The following ZNF470 variants were observed in gnomAD, a reference collection of about 807,000 sequenced individuals.
ZNF470 encodes chondrogenesis zinc finger protein 1.
A neutral mutation model predicts 13.9 loss-of-function variants in ZNF470; 13 were observed. The observed-to-expected ratio is 0.94, with a 90% CI of 0.61 to 1.49. The LOEUF (loss-of-function observed/expected upper bound fraction) is 1.49. ZNF470 is among the 40% of genes most tolerant of loss of function. The pLI is 0.00. For missense variants in ZNF470, 929 were observed against 857.3 expected, an observed-to-expected ratio of 1.08 and a Z score of -1.04; for synonymous variants, 293 against 282.9, an observed-to-expected ratio of 1.04 and a Z score of -0.36.
chr19:56,569,060 C>A (rs565513385), intron 2 of ZNF470, among the ~76,000 whole-genome samples, 177 bp downstream of exon 2: 2 of 152,292 alleles, frequency 1.3e-5, no homozygotes, highest in African/African-American at 4.8e-5. Flanking sequence ...CCTCACAGTA[C>A]TGTCATAAGG....
At chr19:56,572,541 CAAAA>C (rs764794483) in intron 3 of ZNF470, among the ~76,000 whole-genome samples, 9 of 87,262 alleles carry the variant, frequency 1.0e-4, no homozygotes, top group East Asian at 3.1e-4. Flanking sequence ...GACCCTGTCT[CAAAA>C]AAAAAAAAAA....
In ZNF470 at chr19:56,568,738, T is replaced by G. The variant is rs1600562302; in HGVS notation, c.-158-20T>G. The G allele has an allele frequency of 6.6e-6, 1 of 152,324 alleles. No individual in the cohort carries two copies. The highest frequency in any genetic ancestry group is 1.5e-5 in the Non-Finnish European group (1 of 68,048). The allele number at this position is 152,324 out of a possible 1,614,324, so 9.4% of individuals were successfully genotyped here. On this transcript the variant is annotated intron_variant, in intron 1 of 5. Transcript: ENST00000330619. ...CTTCACAACATTATGAAGTAGGAAC[T>G]ACTTACCTCTTTTTTACAGATGAAG...
chr19:56,570,322 A>G lies in ZNF470; in HGVS notation c.11A>G (p.Gln4Arg), dbSNP rs1414047965. 1.2e-6 allele frequency: 2 copies of G among 1,614,096 alleles called. No homozygotes were observed. The highest frequency in any genetic ancestry group is 1.3e-5 in the African/African-American group (1 of 74,938). The change falls in exon 3 of 6, where the codon CAG becomes CGG. Residue 4 changes from glutamine (Q) to arginine (R), a missense_variant. Gln to Arg is a conservative substitution (Grantham distance 43). Transcript: ENST00000330619. MKS[Q>R]EEVEVAGIKL... ...AAAGCTCTTCTCCAAATGAAGAGCC[A>G]GGAAGAGGTAGAGGTGGCAGGAATT...
rs2044514351 is a variant in ZNF470 at position 56,578,907 on chromosome 19, A to G, written c.*324A>G. 2 of 1,045,584 alleles carry G rather than the reference A, an allele frequency of 1.9e-6. No individual in the cohort carries two copies. The highest frequency in any genetic ancestry group is 7.4e-5 in the East Asian group (1 of 13,538). 64.8% of individuals were successfully genotyped at this position (1,045,584 alleles called of 1,614,324 possible). A position where few individuals can be genotyped will look rare whatever the true frequency, so the allele number is the denominator to read the frequency against. On this transcript the variant is annotated 3_prime_UTR_variant, in exon 6 of 6. Coordinates refer to ENST00000330619, the MANE Select transcript of ZNF470 (RefSeq NM_001001668.4). ...TAAGGTAAAGGTTTCCTTACAAACT[A>G]TCATATTAAGCAGCAAGTAAACCAA... is the stretch of plus-strand genomic sequence containing the variant.
rs554237189 is a variant in ZNF470, at chr19:56,578,083, C to T, written c.1654C>T (p.Leu552Phe). 4.3e-5 allele frequency: 70 copies of T among 1,613,960 alleles called. No homozygotes were observed. The East Asian group carries it at 1.4e-3, about 33-fold the overall frequency. Residue 552 changes from leucine (L) to phenylalanine (F), a missense_variant, in exon 6 of 6, where the codon CTT becomes TTT. By Grantham distance (22) the Leu-to-Phe change is conservative. Transcript: ENST00000330619. Reference sequence around the variant, plus strand: ...TAAGGCCTTCAGTCAGATTGCACACCTTGTTCAGCACCAGAGAGTTCATAC... The same window carrying T: ...TAAGGCCTTCAGTCAGATTGCACACTTTGTTCAGCACCAGAGAGTTCATAC... ...CGKAFSQIAH[L>F]VQHQRVHTGE...
rs1167530162 is a variant in ZNF470, at chr19:56,567,848, C to T, written c.-349C>T. 2.0e-6 allele frequency: 2 copies of T among 986,028 alleles called. No individual in the cohort carries two copies. The highest frequency in any genetic ancestry group is 1.7e-5 in the African/African-American group (1 of 57,242). 61.1% of individuals were successfully genotyped at this position (986,028 alleles called of 1,614,324 possible). On this transcript the variant is annotated 5_prime_UTR_variant, in exon 1 of 6. Transcript: ENST00000330619. ...GAAACCCGGCCGGAGGAGGCTTACC[C>T]CGTTCTCCCCTGTATCGACTGCGTA...
chr19:56,582,002 CAGTT>C lies in ZNF470; in HGVS notation c.*3420_*3423del. The C allele has an allele frequency of 1.0e-6, 1 of 985,334 alleles. No homozygotes were observed. The highest frequency in any genetic ancestry group is 1.2e-6 in the Non-Finnish European group (1 of 829,912). 61.0% of individuals were successfully genotyped at this position (985,334 alleles called of 1,614,324 possible). A position where few individuals can be genotyped will look rare whatever the true frequency, so the allele number is the denominator to read the frequency against. On this transcript the variant is annotated 3_prime_UTR_variant, in exon 6 of 6. Transcript: ENST00000330619. ...TACTTGATTTTTGCCTCCTGTTGGT[CAGTT>C]GCTTGCAAGTAAAGAAACAATCATA...
rs1001890933 is a variant in ZNF470 at position 56,581,964 on chromosome 19, A to G, written c.*3381A>G. ...AAGTCTGTGATTCCTCAAACTACCC[A>G]TTGTCTTTCCGGTACTTGATTTTTG... On this transcript the variant is annotated 3_prime_UTR_variant, in exon 6 of 6. Coordinates refer to ENST00000330619, the MANE Select transcript of ZNF470 (RefSeq NM_001001668.4). 1.0e-6 allele frequency: 1 copy of G among 985,302 alleles called. No individual in the cohort carries two copies. Among genetic ancestry groups the G allele is most frequent in the Non-Finnish European group, 1.2e-6 (1 of 829,908 alleles). The allele number at this position is 985,302 out of a possible 1,614,324, so 61.0% of individuals were successfully genotyped here.
In ZNF470 at chr19:56,577,489, T is replaced by C. The variant is rs1358910919; in HGVS notation, c.1060T>C (p.Ser354Pro). The change falls in exon 6 of 6, where the codon TCC becomes CCC. Residue 354 changes from serine to proline, a missense_variant. By Grantham distance (74) the Ser-to-Pro change is moderately conservative. Transcript: ENST00000330619. ...TGGGAAGGCTTTTAGTGATTGCTCATCCCTAGCTCATCATCGAAGGATTCA... is the reference window on the plus strand; with the variant it reads ...TGGGAAGGCTTTTAGTGATTGCTCACCCCTAGCTCATCATCGAAGGATTCA... ...ECGKAFSDCSSLAHHRRIHTG... is the reference protein window; with the variant it reads ...ECGKAFSDCSPLAHHRRIHTG... 6.2e-7 allele frequency: 1 copy of C among 1,613,450 alleles called. No individual in the cohort carries two copies. The highest frequency in any genetic ancestry group is 8.5e-7 in the Non-Finnish European group (1 of 1,179,524).
intron 3 of ZNF470, among the ~76,000 whole-genome samples, chr19:56,573,734 G>C (rs372508947): frequency 2.6e-5 from 4 of 152,322 alleles, no homozygotes; most frequent in African/African-American, 9.6e-5. Context: ...GAGAGGCCAG[G>C]AGTTTGAGAT....
At position 56,567,792 on chromosome 19, in the gene ZNF470, T is replaced by C; in HGVS notation, c.-405T>C. 1 of 987,146 alleles carries C rather than the reference T, an allele frequency of 1.0e-6. No individual in the cohort carries two copies. The highest frequency in any genetic ancestry group is 1.2e-6 in the Non-Finnish European group (1 of 831,294). The allele number at this position is 987,146 out of a possible 1,614,324, so 61.1% of individuals were successfully genotyped here. A position where few individuals can be genotyped will look rare whatever the true frequency, so the allele number is the denominator to read the frequency against. On this transcript the variant is annotated 5_prime_UTR_variant, in exon 1 of 6. It removes an upstream start codon present in the reference 5' UTR. Transcript: ENST00000330619. ...GTGCGGAAGGCGGTGTGTGTTGGAA[T>C]GAGTGAAGCACTTTAAGTGGCCAAG...
At position 56,579,160 on chromosome 19, in the gene ZNF470, G is replaced by T. The variant is rs2044516413; in HGVS notation, c.*577G>T. 2 of 985,370 alleles carry T rather than the reference G, an allele frequency of 2.0e-6. No homozygotes were observed. Among genetic ancestry groups the T allele is most frequent in the Non-Finnish European group, 2.4e-6 (2 of 829,890 alleles). 61.0% of individuals were successfully genotyped at this position (985,370 alleles called of 1,614,324 possible). On this transcript the variant is annotated 3_prime_UTR_variant, in exon 6 of 6. Coordinates refer to ENST00000330619, the MANE Select transcript of ZNF470 (RefSeq NM_001001668.4). Reference sequence around the variant, plus strand: ...CTTTTAGCTGGGTGCGGTGGCTCATGCCTGTAGTCCCAGCACTTTGGGAGG... The same window carrying T: ...CTTTTAGCTGGGTGCGGTGGCTCATTCCTGTAGTCCCAGCACTTTGGGAGG...
At chr19:56,571,968 C>G (rs1180574916) in intron 3 of ZNF470, among the ~76,000 whole-genome samples, 3 of 151,658 alleles carry the variant, frequency 2.0e-5, no homozygotes, top group Admixed American at 6.6e-5. Flanking sequence ...GAGCATGACA[C>G]CTTTTCTTAG....
chr19:56,572,371 A>AAAAATAT (rs2044459428), intron 3 of ZNF470, among the ~76,000 whole-genome samples: 2 of 17,234 alleles, frequency 1.2e-4, no homozygotes, highest in Non-Finnish European at 1.7e-4. Context: ...AAAAAAAAAA[A>AAAAATAT]ATATATATAT....
rs1257596298 is a variant in ZNF470 at position 56,578,706 on chromosome 19, G to A, written c.*123G>A. 37 of 1,307,726 alleles carry A rather than the reference G, an allele frequency of 2.8e-5. No individual in the cohort carries two copies. Among genetic ancestry groups the A allele is most frequent in the Non-Finnish European group, 2.7e-5 (28 of 1,027,178 alleles). 81.0% of individuals were successfully genotyped at this position (1,307,726 alleles called of 1,614,324 possible). A position where few individuals can be genotyped will look rare whatever the true frequency, so the allele number is the denominator to read the frequency against. ...CAGTAGCATAACTGTTGCCCCTTTTGCTTCTATCAACTACATGTTTAACAC... is the reference window on the plus strand; with the variant it reads ...CAGTAGCATAACTGTTGCCCCTTTTACTTCTATCAACTACATGTTTAACAC... On this transcript the variant is annotated 3_prime_UTR_variant, in exon 6 of 6. Coordinates refer to ENST00000330619, the MANE Select transcript of ZNF470 (RefSeq NM_001001668.4).
intron 3 of ZNF470, chr19:56,574,121 AT>A (rs2044472781): frequency 6.4e-6 from 2 of 313,084 alleles, no homozygotes; most frequent in East Asian, 1.7e-4. Context: ...TGTAGTCAGC[AT>A]TTTTTCATTG....
Position 56,581,521 on chromosome 19 carries a change from A to T in ZNF470, c.*2938A>T, listed in dbSNP as rs980710713. On this transcript the variant is annotated 3_prime_UTR_variant, in exon 6 of 6. Transcript: ENST00000330619. ...ACAAGTGTCCATCAGGGTAATAAATAAATTAATTATGGTATATATCCATTC... is the reference window on the plus strand; with the variant it reads ...ACAAGTGTCCATCAGGGTAATAAATTAATTAATTATGGTATATATCCATTC... The T allele has an allele frequency of 7.2e-6, 6 of 835,262 alleles. No homozygotes were observed. The highest frequency in any genetic ancestry group is 5.5e-5 in the African/African-American group (3 of 54,164). 51.7% of individuals were successfully genotyped at this position (835,262 alleles called of 1,614,324 possible).
chr19:56,575,426 A>G (rs954541228), intron 5 of ZNF470, among the ~76,000 whole-genome samples: 16 of 147,428 alleles, frequency 1.1e-4, no homozygotes, highest in Admixed American at 5.4e-4. Flanking sequence ...GCTCACTGGG[A>G]TTTTTGACGC....
rs976237056 is a variant in ZNF470 at position 56,577,980 on chromosome 19, C to G, written c.1551C>G (p.Thr517=). ...ATGAATGTAAGGAATGCAGCAAAAC[C>G]TTCAGCCAGAATGCACACCTCGCGC... The part of the protein sequence containing the change: ...KPYECKECSK[T]FSQNAHLAQH... The change falls in exon 6 of 6, where the codon ACC becomes ACG. Residue 517 remains threonine, a synonymous_variant. Coordinates refer to ENST00000330619, the MANE Select transcript of ZNF470 (RefSeq NM_001001668.4). The G allele has an allele frequency of 1.2e-6, 2 of 1,613,164 alleles. No individual in the cohort carries two copies. The highest frequency in any genetic ancestry group is 2.7e-5 in the African/African-American group (2 of 74,830).
Sources: gnomAD v4.1 joint callset for allele counts (sites outside exome capture counted in the v4.1 genomes callset) on GRCh38, gnomAD v4.1.1 for gene constraint, MANE v1.5 for transcripts, NCBI Gene and HGNC (gene_info 2026-07-23, HGNC 2026-07-21) for gene names.